COLQ: variants seen among roughly 807,000 people sequenced by gnomAD.
The protein encoded by COLQ is acetylcholinesterase collagenic tail peptide.
A neutral mutation model predicts 69.0 loss-of-function variants in COLQ; 48 were observed. That is an observed-to-expected ratio of 0.70 (90% CI 0.55 to 0.88). The LOEUF (loss-of-function observed/expected upper bound fraction) is 0.88. COLQ is among the 40% of genes least tolerant of loss of function. The pLI is 0.00. For missense variants in COLQ, 618 were observed against 594.6 expected, an observed-to-expected ratio of 1.04 and a Z score of -0.41; for synonymous variants, 217 against 211.2, an observed-to-expected ratio of 1.03 and a Z score of -0.24.
chr3:15,477,081 T>C, intron 6 of COLQ, 45 bp downstream of exon 6: 1 of 1,544,116 alleles, frequency 6.5e-7, no homozygotes, highest in Non-Finnish European at 8.8e-7. Context: ...TCTTCCCCCC[T>C]CTTGTTTTGA....
chr3:15,456,638 A>T, intron 13 of COLQ, 59 bp from the exon 14 acceptor site: 1 of 1,605,524 alleles, frequency 6.2e-7, no homozygotes, highest in Non-Finnish European at 8.5e-7. Context: ...GGCAGGAAAA[A>T]AGCTGGAGGA....
At chr3:15,518,955 G>A (rs1559535675) in intron 1 of COLQ, among the ~76,000 whole-genome samples, 1 of 151,634 alleles carries the variant, frequency 6.6e-6, no homozygotes, top group Non-Finnish European at 1.5e-5. Context: ...GAAGAATTAA[G>A]AGTCTATAAG....
At chr3:15,485,319 G>T (rs1288690139) in intron 3 of COLQ, among the ~76,000 whole-genome samples, 1 of 152,194 alleles carries the variant, frequency 6.6e-6, no homozygotes, top group African/African-American at 2.4e-5. Context: ...ACTGGGAGGT[G>T]TCTCCCAGTT....
rs561255785 is a variant in COLQ, at chr3:15,456,165, T to A, written c.1075-146A>T. 2,440 of 1,038,226 alleles carry A rather than the reference T, an allele frequency of 2.4e-3. 12 individuals are homozygous for A. The highest frequency in any genetic ancestry group is 6.0e-3 in the South Asian group (436 of 73,236). 64.3% of individuals were successfully genotyped at this position (1,038,226 alleles called of 1,614,324 possible). Reference sequence around the variant, plus strand: ...GGGTGGGAAAGGTACTCCTTTCCTGTTGCCCAGAGCTCTGTAGCTGGTTAA... The same window carrying A: ...GGGTGGGAAAGGTACTCCTTTCCTGATGCCCAGAGCTCTGTAGCTGGTTAA... On this transcript the variant is annotated intron_variant, in intron 14 of 16. Transcript: ENST00000383788.
chr3:15,477,471 C>G, intron 5 of COLQ: 1 of 455,800 alleles, frequency 2.2e-6, no homozygotes, highest in Non-Finnish European at 4.0e-6. Flanking sequence ...TCTACCCACC[C>G]CCACCCAAAA....
chr3:15,470,424 G>T, intron 11 of COLQ, 112 bp downstream of exon 11: 1 of 946,624 alleles, frequency 1.1e-6, no homozygotes, highest in Non-Finnish European at 1.7e-6. Flanking sequence ...AGAGGATGCT[G>T]GAGTCAAGGT....
chr3:15,458,909 TCTTGGCTCACTACAAC>T (rs1200916242), intron 12 of COLQ, among the ~76,000 whole-genome samples: 1 of 151,934 alleles, frequency 6.6e-6, no homozygotes, highest in Non-Finnish European at 1.5e-5. Context: ...AGTGGCACGA[TCTTGGCTCACTACAAC>T]CTTTGCCTCC....
chr3:15,456,686 G>C (rs1559512143), intron 13 of COLQ, 107 bp from the exon 14 acceptor site: 8 of 1,473,704 alleles, frequency 5.4e-6, no homozygotes. Context: ...CTCAACAGTG[G>C]GAAGAGGGGT....
intron 1 of COLQ, among the ~76,000 whole-genome samples, chr3:15,504,398 C>G (rs1434078319): frequency 6.6e-6 from 1 of 152,214 alleles, no homozygotes; most frequent in Non-Finnish European, 1.5e-5. Flanking sequence ...GCATGGCCAC[C>G]TGCTTGCCAT....
chr3:15,470,402 G>A (rs967180450), intron 11 of COLQ, 134 bp downstream of exon 11: 21 of 826,678 alleles, frequency 2.5e-5, no homozygotes, highest in Admixed American at 1.6e-4. Flanking sequence ...TGCTGCTCCC[G>A]TCTGCTAGCC....
In COLQ at chr3:15,477,123, T is replaced by C. The variant is rs1382547374; in HGVS notation, c.465+3A>G. ...ATGAGCCCTGAGAGCATGCCACACTTACCCTGGGTCCTTCAGGGCCTGGCC... is the reference window on the plus strand; with the variant it reads ...ATGAGCCCTGAGAGCATGCCACACTCACCCTGGGTCCTTCAGGGCCTGGCC... On this transcript the variant is annotated splice_donor_region_variant and intron_variant, in intron 6 of 16. Coordinates refer to ENST00000383788, the MANE Select transcript of COLQ (RefSeq NM_005677.4). 6.3e-7 allele frequency: 1 copy of C among 1,599,256 alleles called. No homozygotes were observed. Among genetic ancestry groups the C allele is most frequent in the Admixed American group, 1.7e-5 (1 of 57,912 alleles).
chr3:15,479,752 A>G (rs544796560), intron 3 of COLQ, among the ~76,000 whole-genome samples: 5 of 152,284 alleles, frequency 3.3e-5, no homozygotes, highest in South Asian at 2.1e-4. Flanking sequence ...ATCACCTCTC[A>G]TATCTTTTCA....
At chr3:15,484,216 A>G (rs1330057255) in intron 3 of COLQ, among the ~76,000 whole-genome samples, 1 of 152,166 alleles carries the variant, frequency 6.6e-6, no homozygotes, top group African/African-American at 2.4e-5. Context: ...TTTACATTTA[A>G]GGTTAATATT....
intron 5 of COLQ, 58 bp from the exon 6 acceptor site, chr3:15,477,255 A>G: frequency 6.8e-7 from 1 of 1,481,370 alleles, no homozygotes; most frequent in Non-Finnish European, 9.3e-7. Context: ...ACTTCTAATA[A>G]ATATGTTTTG....
chr3:15,459,268 G>A (rs1011961257), intron 12 of COLQ, among the ~76,000 whole-genome samples: 2 of 152,128 alleles, frequency 1.3e-5, no homozygotes, highest in African/African-American at 4.8e-5. Context: ...GTGAGGACAT[G>A]TCTTGAAAAG....
chr3:15,520,204 A>C (rs2063117877), intron 1 of COLQ, among the ~76,000 whole-genome samples: 1 of 152,214 alleles, frequency 6.6e-6, no homozygotes, highest in African/African-American at 2.4e-5. Flanking sequence ...CTCCTAGAAG[A>C]AGCTTGATGC....
At chr3:15,508,626 A>C (rs964120268) in intron 1 of COLQ, among the ~76,000 whole-genome samples, 1 of 152,160 alleles carries the variant, frequency 6.6e-6, no homozygotes. Context: ...ATAATTCATC[A>C]AATTATTCAT....
At chr3:15,506,038 A>C (rs972023086) in intron 1 of COLQ, among the ~76,000 whole-genome samples, 8 of 152,222 alleles carry the variant, frequency 5.3e-5, no homozygotes, top group Non-Finnish European at 7.3e-5. Context: ...GCCCACTGGC[A>C]CAGACTGGCT....
At chr3:15,470,910 T>A (rs1265566880) in intron 10 of COLQ, among the ~76,000 whole-genome samples, 1 of 152,190 alleles carries the variant, frequency 6.6e-6, no homozygotes, top group African/African-American at 2.4e-5. Flanking sequence ...AGACAAATCA[T>A]CACCCAGAAC....
Sources: allele counts gnomAD v4.1 joint callset (sites outside exome capture counted in the v4.1 genomes callset), GRCh38; gene constraint gnomAD v4.1.1; transcripts MANE v1.5; gene names NCBI Gene and HGNC (gene_info 2026-07-23, HGNC 2026-07-21).